HMGN3: variants seen among roughly 807,000 people sequenced by gnomAD.
HMGN3 encodes high mobility group nucleosomal binding domain 3.
A neutral mutation model predicts 18.8 loss-of-function variants in HMGN3; 6 were observed. The observed-to-expected ratio is 0.32, with a 90% CI of 0.18 to 0.63. HMGN3 has a LOEUF of 0.63. Among genes scored for constraint, HMGN3 ranks in the 30% least tolerant of loss-of-function variants. The pLI is 0.79. For synonymous variants in HMGN3, 40 were observed against 36.5 expected (o/e 1.10, Z -0.35); for missense variants, 107 against 114.2 (o/e 0.94, Z 0.29).
intron 2 of HMGN3, among the ~76,000 whole-genome samples, chr6:79,213,829 C>T (rs750817652): frequency 6.6e-6 from 1 of 152,184 alleles, no homozygotes; most frequent in Non-Finnish European, 1.5e-5. Flanking sequence ...CATTATGAAT[C>T]ACCCAATCAA....
chr6:79,214,526 C>T (rs1037243387), intron 2 of HMGN3, among the ~76,000 whole-genome samples: 1 of 152,122 alleles, frequency 6.6e-6, no homozygotes, highest in Non-Finnish European at 1.5e-5. Flanking sequence ...TAGAGATGAT[C>T]CTTCTCAGGC....
At chr6:79,209,442 G>A (rs1222981175) in intron 2 of HMGN3, among the ~76,000 whole-genome samples, 1 of 152,090 alleles carries the variant, frequency 6.6e-6, no homozygotes, top group Non-Finnish European at 1.5e-5. Context: ...TAAAAAAAGT[G>A]CCCTAGAAAT....
chr6:79,226,414 T>G (rs1777570290), intron 1 of HMGN3, among the ~76,000 whole-genome samples: 1 of 152,182 alleles, frequency 6.6e-6, no homozygotes, highest in Admixed American at 6.5e-5. Flanking sequence ...TTAATATTAT[T>G]AATGCAAAGT....
At chr6:79,228,730 G>C (rs372918138) in intron 1 of HMGN3, among the ~76,000 whole-genome samples, 1 of 152,102 alleles carries the variant, frequency 6.6e-6, no homozygotes, top group South Asian at 2.1e-4. Context: ...CCAAGATAGC[G>C]TAGTTTTTAA....
rs571832581 is a variant in HMGN3, at chr6:79,229,404, A to G, written c.15+5142T>C. ...TATCTGAATAGACATTTCACATATG[A>G]TACACATTATGCTAGTAAACACGTG... On this transcript the variant is annotated intron_variant, in intron 1 of 5. Transcript: ENST00000344726. Among the ~76,000 whole-genome samples the G allele has an allele frequency of 8.5e-5, 13 of 152,354 alleles. No individual in the cohort carries two copies. In the East Asian group the frequency reaches 2.5e-3, roughly 29 times the overall value.
intron 1 of HMGN3, among the ~76,000 whole-genome samples, chr6:79,233,341 C>T (rs1292333753): frequency 1.3e-5 from 2 of 152,194 alleles, no homozygotes; most frequent in African/African-American, 4.8e-5. Flanking sequence ...AGACAAGTTT[C>T]TACCCAATTT....
At chr6:79,219,743 A>T (rs1232128730) in intron 1 of HMGN3, among the ~76,000 whole-genome samples, 1 of 152,152 alleles carries the variant, frequency 6.6e-6, no homozygotes, top group Non-Finnish European at 1.5e-5. Flanking sequence ...CCCTGTAATT[A>T]ATGCAAAAAA....
rs754914169 is a variant in HMGN3, at chr6:79,202,161, A to G, written c.261+115T>C. On this transcript the variant is annotated intron_variant, in intron 5 of 5. Coordinates refer to ENST00000344726, the Ensembl canonical transcript of HMGN3. ...GTTGAGCGAGAGATGTGGATCTGCA[A>G]TAACATTACAGGCAATAAAAAGAGA... The G allele has an allele frequency of 5.0e-6, 8 of 1,593,138 alleles. No individual in the cohort carries two copies. The Admixed American group carries it at 6.9e-5, about 14-fold the overall frequency.
At chr6:79,203,663 A>T (rs1582397321) in intron 3 of HMGN3, 33 bp from the exon 4 acceptor site, 6 of 6,022 alleles carry the variant, frequency 1.0e-3, no homozygotes, top group Non-Finnish European at 2.3e-3. Context: ...ACAAATACTG[A>T]AAAAAAAAAA....
At chr6:79,211,044 G>C (rs9448662) in intron 2 of HMGN3, among the ~76,000 whole-genome samples, 1,516 of 142,168 alleles carry the variant, frequency 0.011, 20 homozygotes, top group African/African-American at 0.037. Flanking sequence ...TGCCTAAGCT[G>C]TCTAAACCAG....
chr6:79,207,106 T>C (rs1776458027), intron 3 of HMGN3, among the ~76,000 whole-genome samples: 2 of 152,236 alleles, frequency 1.3e-5, no homozygotes, highest in South Asian at 2.1e-4. Flanking sequence ...TGGAAGGGAA[T>C]TGCCTTATCT....
intron 2 of HMGN3, among the ~76,000 whole-genome samples, chr6:79,210,736 C>T (rs1776644865): frequency 6.6e-6 from 1 of 151,986 alleles, no homozygotes; most frequent in Admixed American, 6.6e-5. Flanking sequence ...TCCCTATCTG[C>T]CATCTAGTTG....
intron 3 of HMGN3, among the ~76,000 whole-genome samples, chr6:79,203,921 T>C (rs535532031): frequency 5.6e-4 from 86 of 152,342 alleles, no homozygotes; most frequent in African/African-American, 1.7e-3. Flanking sequence ...CTATCTCCAA[T>C]GTGTCTGCTC....
At chr6:79,217,862 G>A (rs759908504) in intron 1 of HMGN3, among the ~76,000 whole-genome samples, 11 of 152,206 alleles carry the variant, frequency 7.2e-5, no homozygotes, top group South Asian at 2.1e-4. Context: ...GGTGGATATA[G>A]GGGATCTCAG....
intron 5 of HMGN3, 49 bp from the exon 6 acceptor site, chr6:79,202,204 C>G: frequency 6.2e-7 from 1 of 1,611,154 alleles, no homozygotes; most frequent in African/African-American, 1.3e-5. Context: ...AACGTGCTAT[C>G]ACCGGCTGAA....
intron 2 of HMGN3, among the ~76,000 whole-genome samples, chr6:79,213,355 T>C (rs931307357): frequency 6.6e-6 from 1 of 152,190 alleles, no homozygotes; most frequent in African/African-American, 2.4e-5. Context: ...ACTTTTGGTG[T>C]AGTGGGATTG....
chr6:79,213,530 T>C (rs1156479692), intron 2 of HMGN3, among the ~76,000 whole-genome samples: 1 of 152,206 alleles, frequency 6.6e-6, no homozygotes, highest in Admixed American at 6.5e-5. Flanking sequence ...GTTCTAAAAA[T>C]CACATTTTGC....
intron 3 of HMGN3, 70 bp from the exon 4 acceptor site, chr6:79,203,700 A>G: frequency 8.4e-7 from 1 of 1,197,014 alleles, no homozygotes; most frequent in Non-Finnish European, 1.2e-6. Flanking sequence ...AAGAAACACA[A>G]AAGGACTAAC....
At chr6:79,223,836 T>C (rs1378860308) in intron 1 of HMGN3, among the ~76,000 whole-genome samples, 1 of 151,896 alleles carries the variant, frequency 6.6e-6, no homozygotes, top group African/African-American at 2.4e-5. Flanking sequence ...GGCTCACACC[T>C]GACTTCTCTA....
Sources: allele counts gnomAD v4.1 joint callset (sites outside exome capture counted in the v4.1 genomes callset), GRCh38; gene constraint gnomAD v4.1.1; transcripts MANE v1.5; gene names NCBI Gene and HGNC (gene_info 2026-07-23, HGNC 2026-07-21).